CLEC4A: variants seen among roughly 807,000 people sequenced by gnomAD.
The protein encoded by CLEC4A is C-type (calcium dependent, carbohydrate-recognition domain) lectin, superfamily member 6.
A neutral mutation model predicts 32.7 loss-of-function variants in CLEC4A; 27 were observed. The observed-to-expected ratio is 0.83, with a 90% CI of 0.61 to 1.14. The LOEUF (loss-of-function observed/expected upper bound fraction) is 1.14, where lower values mean the gene tolerates loss of function less well. Ranked by LOEUF, CLEC4A falls within the 50% of genes most tolerant of loss-of-function variation. The probability of loss-of-function intolerance (pLI) is 0.00; values close to 1 mark genes in which losing one functional copy is unlikely to be tolerated. For synonymous variants in CLEC4A, 89 were observed against 93.7 expected (o/e 0.95, Z 0.29); for missense variants, 253 against 274.6 (o/e 0.92, Z 0.55).
the CLEC4A span, among the ~76,000 whole-genome samples, chr12:8,111,482 C>CGTGGG: frequency 6.6e-6 from 1 of 152,248 alleles, no homozygotes; most frequent in East Asian, 1.9e-4. Context: ...ACCTGGCCTT[C>CGTGGG]TAGACATTTT....
chr12:8,129,341 A>G lies in CLEC4A; in HGVS notation c.277A>G (p.Lys93Glu). The change falls in exon 3 of 6, where the codon AAA becomes GAA. Residue 93 changes from lysine to glutamate, a missense_variant. Lys to Glu is a moderately conservative substitution (Grantham distance 56). Transcript: ENST00000229332. ...ELVHTTLECV[K>E]KNMPVEETAW... ...GGTTCATACAACATTGGAGTGTGTG[A>G]AAAAAAATATGCCCGTGGAAGGTAA... The G allele has an allele frequency of 6.3e-7, 1 of 1,586,724 alleles. No homozygotes were observed. Among genetic ancestry groups the G allele is most frequent in the Non-Finnish European group, 8.6e-7 (1 of 1,161,132 alleles).
chr12:8,124,297 A>T (rs1947867276), intron 1 of CLEC4A, among the ~76,000 whole-genome samples: 1 of 152,168 alleles, frequency 6.6e-6, no homozygotes, highest in South Asian at 2.1e-4. Flanking sequence ...GAGATTGAGT[A>T]CAGCTTCTGA....
At chr12:8,120,678 T>C (rs1476136705), upstream of CLEC4A, among the ~76,000 whole-genome samples, 2 of 26,134 alleles carry the variant, frequency 7.7e-5, no homozygotes, top group Non-Finnish European at 3.0e-4. Flanking sequence ...GTTTTAGTGT[T>C]TTTTTCTCTG....
chr12:8,122,003 G>A (rs900662713), upstream of CLEC4A, among the ~76,000 whole-genome samples: 4 of 152,020 alleles, frequency 2.6e-5, no homozygotes, highest in African/African-American at 9.7e-5. Flanking sequence ...CCTTGCAGAG[G>A]GTAGACCTGG....
the CLEC4A span, among the ~76,000 whole-genome samples, chr12:8,102,996 C>T: frequency 1.3e-5 from 2 of 152,010 alleles, no homozygotes; most frequent in South Asian, 2.1e-4. Flanking sequence ...TATCTTAGAC[C>T]TTAAGTTTTT....
the CLEC4A span, among the ~76,000 whole-genome samples, chr12:8,113,235 C>T: frequency 9.9e-5 from 15 of 150,768 alleles, no homozygotes; most frequent in South Asian, 2.1e-4. Flanking sequence ...TTTGTCCTTG[C>T]GATAGTTTGC....
rs909701961 is a variant in CLEC4A, at chr12:8,124,065, G to A, written c.82+105G>A. On this transcript the variant is annotated intron_variant, in intron 1 of 5. Transcript: ENST00000229332. ...TTTCAGTTGCTGGTTGTCTGATTGA[G>A]TATGTCTGGGAAACACAAGAGTCCC... 4.6e-5 allele frequency: 35 copies of A among 757,926 alleles called. No individual in the cohort carries two copies. In the Admixed American group the frequency reaches 7.1e-4, roughly 15 times the overall value. The allele number at this position is 757,926 out of a possible 1,614,324, so 47.0% of individuals were successfully genotyped here.
At chr12:8,134,973 G>GT (rs371181779) in intron 3 of CLEC4A, 10,392 of 313,370 alleles carry the variant, frequency 0.033, 1,306 homozygotes, top group Non-Finnish European at 0.038. Context: ...TTGTTGAAGC[G>GT]TTTTTGTTTT....
At chr12:8,112,120 C>A in the CLEC4A span, among the ~76,000 whole-genome samples, 1 of 152,014 alleles carries the variant, frequency 6.6e-6, no homozygotes. Context: ...AGGCATGCAC[C>A]ACCATGCCCG....
chr12:8,118,409 A>T, the CLEC4A span, among the ~76,000 whole-genome samples: 1 of 141,116 alleles, frequency 7.1e-6, no homozygotes, highest in Non-Finnish European at 1.6e-5. Context: ...AAAAAAAAAA[A>T]CCTGAGACTA....
At position 8,138,286 on chromosome 12, in the gene CLEC4A, G is replaced by A; in HGVS notation, c.713G>A (p.Ter238=). ...SVCEMMKIHL[*] ...TGTGAGATGATGAAGATCCACTTAT[G>A]AACTGAACATTCTCCATGAACAGGT... The change falls in exon 6 of 6, where the codon TGA becomes TAA. Residue 238 remains the stop codon, a stop_retained_variant. Coordinates refer to ENST00000229332, the MANE Select transcript of CLEC4A (RefSeq NM_016184.4). 1.2e-6 allele frequency: 2 copies of A among 1,614,052 alleles called. No individual in the cohort carries two copies. Among genetic ancestry groups the A allele is most frequent in the Non-Finnish European group, 1.7e-6 (2 of 1,179,976 alleles).
chr12:8,118,016 A>G, the CLEC4A span, among the ~76,000 whole-genome samples: 3 of 152,018 alleles, frequency 2.0e-5, no homozygotes, highest in Admixed American at 6.6e-5. Flanking sequence ...GAAGGTTTTG[A>G]GGACCTCAGT....
chr12:8,130,725 G>A (rs2120598328), intron 3 of CLEC4A, among the ~76,000 whole-genome samples: 1 of 152,238 alleles, frequency 6.6e-6, no homozygotes, highest in Admixed American at 6.5e-5. Flanking sequence ...GAAAAATTGA[G>A]CAGATAATGC....
intron 4 of CLEC4A, among the ~76,000 whole-genome samples, chr12:8,136,566 A>C (rs932924676): frequency 6.5e-5 from 9 of 137,408 alleles, no homozygotes; most frequent in Admixed American, 7.1e-5. Flanking sequence ...TCCATCTCAA[A>C]AAAAAAAAAA....
chr12:8,133,959 C>G, intron 3 of CLEC4A: 1 of 1,609,308 alleles, frequency 6.2e-7, no homozygotes, highest in African/African-American at 1.3e-5. Context: ...CCAACAGCCT[C>G]AAAATCCTCT....
the CLEC4A span, among the ~76,000 whole-genome samples, chr12:8,107,633 C>A: frequency 6.6e-6 from 1 of 151,998 alleles, no homozygotes; most frequent in Non-Finnish European, 1.5e-5. Flanking sequence ...AAGAATTTGT[C>A]CATTTCTAGT....
chr12:8,134,979 G>GTTTTGTTT lies in CLEC4A; in HGVS notation c.299-602_299-601insGTTTTTTT, dbSNP rs1948073835. On this transcript the variant is annotated intron_variant, in intron 3 of 5. Coordinates refer to ENST00000229332, the MANE Select transcript of CLEC4A (RefSeq NM_016184.4). ...TGTATCTTCTTGTTGAAGCGTTTTT[G>GTTTTGTTT]TTTTTTGTTTTTTTTTAATCATGGC... The GTTTTGTTT allele has an allele frequency of 1.7e-4, 29 of 166,016 alleles. 1 individual carries two copies. The highest frequency in any genetic ancestry group is 1.4e-3 in the African/African-American group (19 of 13,818). The allele number at this position is 166,016 out of a possible 1,614,324, so 10.3% of individuals were successfully genotyped here.
intron 2 of CLEC4A, among the ~76,000 whole-genome samples, chr12:8,125,906 A>G (rs1947893586): frequency 6.6e-6 from 1 of 152,226 alleles, no homozygotes; most frequent in African/African-American, 2.4e-5. Flanking sequence ...TGAAGCATAA[A>G]TGTGGGTGTA....
Position 8,134,974 on chromosome 12 carries a change from T to TTTTTTTTTTTTTTG in CLEC4A, c.299-607_299-606insTTTTTTTTTGTTTT. ...ATGTCTGTATCTTCTTGTTGAAGCGTTTTTGTTTTTTGTTTTTTTTTAATC... is the reference window on the plus strand; with the variant it reads ...ATGTCTGTATCTTCTTGTTGAAGCGTTTTTTTTTTTTTTGTTTTGTTTTTTGTTTTTTTTTAATC... On this transcript the variant is annotated intron_variant, in intron 3 of 5. Coordinates refer to ENST00000229332, the MANE Select transcript of CLEC4A (RefSeq NM_016184.4). 1.5e-5 allele frequency: 3 copies of TTTTTTTTTTTTTTG among 199,918 alleles called. 1 individual carries two copies. Among genetic ancestry groups the TTTTTTTTTTTTTTG allele is most frequent in the Non-Finnish European group, 2.0e-5 (3 of 146,624 alleles). The allele number at this position is 199,918 out of a possible 1,614,324, so 12.4% of individuals were successfully genotyped here.
Sources: allele counts gnomAD v4.1 joint callset (sites outside exome capture counted in the v4.1 genomes callset), GRCh38; gene constraint gnomAD v4.1.1; transcripts MANE v1.5; gene names NCBI Gene and HGNC (gene_info 2026-07-23, HGNC 2026-07-21).